PRKCE: variants seen among roughly 807,000 people sequenced by gnomAD.
PRKCE encodes protein kinase C epsilon type.
In PRKCE, 16 loss-of-function variants were observed where a neutral mutation model predicts 85.4. The observed-to-expected ratio is 0.19, with a 90% CI of 0.13 to 0.28. PRKCE has a LOEUF of 0.28. Ranked by LOEUF, PRKCE falls within the 10% of genes least tolerant of loss-of-function variation. PRKCE has a pLI of 1.00. For synonymous variants in PRKCE, 388 were observed against 371.5 expected (o/e 1.04, Z -0.51); for missense variants, 573 against 975.2 (o/e 0.59, Z 5.49).
chr2:45,761,193 G>C (rs771759672), intron 1 of PRKCE, among the ~76,000 whole-genome samples: 1 of 151,922 alleles, frequency 6.6e-6, no homozygotes, highest in East Asian at 1.9e-4. Context: ...CGAGTGTGGT[G>C]GTGGGCGCCT....
At chr2:45,891,262 A>G (rs1440159195) in intron 2 of PRKCE, among the ~76,000 whole-genome samples, 1 of 152,226 alleles carries the variant, frequency 6.6e-6, no homozygotes, top group Non-Finnish European at 1.5e-5. Context: ...AGCGACCAGA[A>G]ATGTGCAGCA....
intron 11 of PRKCE, among the ~76,000 whole-genome samples, chr2:46,091,159 G>A (rs968748033): frequency 6.6e-6 from 1 of 152,076 alleles, no homozygotes; most frequent in Admixed American, 6.5e-5. Flanking sequence ...GGGAGGGCTG[G>A]GTGGGGGTTC....
chr2:45,901,038 C>T (rs1024643376), intron 2 of PRKCE, among the ~76,000 whole-genome samples: 3 of 152,158 alleles, frequency 2.0e-5, no homozygotes, highest in African/African-American at 7.2e-5. Flanking sequence ...GAGATGCTTT[C>T]GCTGGGTTGG....
At chr2:45,864,312 C>G (rs1033673858) in intron 2 of PRKCE, among the ~76,000 whole-genome samples, 3 of 152,180 alleles carry the variant, frequency 2.0e-5, no homozygotes, top group Non-Finnish European at 4.4e-5. Context: ...TGCTCCAGCT[C>G]TCAGAAGAAG....
In PRKCE at chr2:45,941,190, C is replaced by A. The variant is rs138888400; in HGVS notation, c.413-35239C>A. ...AAAGCAATACAGTAGCCTAGTTAAT[C>A]CCTTGAAGAAGCACTCATGTGGCCA... On this transcript the variant is annotated intron_variant, in intron 2 of 14. Coordinates refer to ENST00000306156, the MANE Select transcript of PRKCE (RefSeq NM_005400.3). Among the ~76,000 whole-genome samples, 282 of 151,942 alleles carry A rather than the reference C, an allele frequency of 1.9e-3. 1 individual carries two copies. The highest frequency in any genetic ancestry group is 6.4e-3 in the Admixed American group (98 of 15,246).
At chr2:46,038,472 A>G (rs970938204) in intron 10 of PRKCE, among the ~76,000 whole-genome samples, 1 of 152,158 alleles carries the variant, frequency 6.6e-6, no homozygotes, top group African/African-American at 2.4e-5. Context: ...CCAAAAGTTC[A>G]AACTACTGCT....
At chr2:45,879,738 C>T (rs1051167155) in intron 2 of PRKCE, among the ~76,000 whole-genome samples, 12 of 152,194 alleles carry the variant, frequency 7.9e-5, no homozygotes, top group South Asian at 4.1e-4. Flanking sequence ...GTCACGAGGC[C>T]GTGAAAGGGT....
At chr2:45,881,806 C>T (rs11125041) in intron 2 of PRKCE, among the ~76,000 whole-genome samples, 28,611 of 152,102 alleles carry the variant, frequency 0.19, 3,432 homozygotes, top group East Asian at 0.41. Context: ...ATTGAGGGAA[C>T]GAGATTGAAT....
At chr2:46,014,625 G>A (rs964503064) in intron 10 of PRKCE, among the ~76,000 whole-genome samples, 2 of 152,140 alleles carry the variant, frequency 1.3e-5, no homozygotes, top group African/African-American at 4.8e-5. Context: ...GCCTATAATT[G>A]TTTCAATTAC....
chr2:46,162,654 G>A (rs770490854), intron 14 of PRKCE, among the ~76,000 whole-genome samples: 1 of 152,224 alleles, frequency 6.6e-6, no homozygotes, highest in Non-Finnish European at 1.5e-5. Flanking sequence ...CTGACGTTGT[G>A]TAAGAGGTGT....
At chr2:45,737,582 C>A (rs1682185371) in intron 1 of PRKCE, among the ~76,000 whole-genome samples, 1 of 152,066 alleles carries the variant, frequency 6.6e-6, no homozygotes, top group African/African-American at 2.4e-5. Flanking sequence ...CCAGGTGTAT[C>A]CTCTCGCCTG....
intron 1 of PRKCE, among the ~76,000 whole-genome samples, chr2:45,797,865 T>C (rs1461677205): frequency 1.3e-5 from 2 of 152,214 alleles, no homozygotes; most frequent in Non-Finnish European, 2.9e-5. Flanking sequence ...GATCCAGGCC[T>C]TCTCATGGAA....
At chr2:45,802,696 A>G (rs1687961272) in intron 1 of PRKCE, among the ~76,000 whole-genome samples, 2 of 152,220 alleles carry the variant, frequency 1.3e-5, no homozygotes, top group African/African-American at 2.4e-5. Context: ...GGGATTTGAC[A>G]GATCTCTGAA....
chr2:45,977,834 C>T (rs746717418), intron 3 of PRKCE, among the ~76,000 whole-genome samples: 2 of 152,170 alleles, frequency 1.3e-5, no homozygotes, highest in Non-Finnish European at 2.9e-5. Flanking sequence ...CCTGACATCC[C>T]ACCAGCCTTT....
At chr2:45,880,954 C>A (rs1453732553) in intron 2 of PRKCE, among the ~76,000 whole-genome samples, 1 of 151,966 alleles carries the variant, frequency 6.6e-6, no homozygotes, top group African/African-American at 2.4e-5. Flanking sequence ...GAGATCGAGA[C>A]CATCCGGGCT....
intron 10 of PRKCE, among the ~76,000 whole-genome samples, chr2:46,030,039 A>G (rs1306456623): frequency 2.0e-5 from 3 of 152,170 alleles, no homozygotes; most frequent in Admixed American, 2.0e-4. Context: ...TAGAAAGTTA[A>G]GCTATTTCCC....
At chr2:46,153,863 T>G (rs1447556735) in intron 13 of PRKCE, among the ~76,000 whole-genome samples, 1 of 145,868 alleles carries the variant, frequency 6.9e-6, no homozygotes, top group Non-Finnish European at 1.5e-5. Context: ...CTCTGCTCAC[T>G]GCAACTTCCG....
At chr2:45,944,201 T>G (rs959885403) in intron 2 of PRKCE, among the ~76,000 whole-genome samples, 2 of 152,228 alleles carry the variant, frequency 1.3e-5, no homozygotes, top group African/African-American at 4.8e-5. Context: ...CATTCTGCTT[T>G]GACTGCTGTC....
At chr2:45,881,146 C>G (rs1336245874) in intron 2 of PRKCE, among the ~76,000 whole-genome samples, 5 of 131,994 alleles carry the variant, frequency 3.8e-5, no homozygotes, top group Admixed American at 3.7e-4. Flanking sequence ...GAGCGAGACT[C>G]CGTCTCAAAA....
Sources: gnomAD v4.1 joint callset for allele counts (sites outside exome capture counted in the v4.1 genomes callset) on GRCh38, gnomAD v4.1.1 for gene constraint, MANE v1.5 for transcripts, NCBI Gene and HGNC (gene_info 2026-07-23, HGNC 2026-07-21) for gene names.